Variants in INHBC observed in about 807,000 individuals in gnomAD.
INHBC encodes the protein inhibin subunit beta C.
A neutral mutation model predicts 12.4 loss-of-function variants in INHBC; 10 were observed. That is an observed-to-expected ratio of 0.81 (90% CI 0.50 to 1.37). INHBC has a LOEUF of 1.37. Among genes scored for constraint, INHBC ranks in the 40% most tolerant of loss-of-function variants. INHBC has a pLI of 0.00. For synonymous variants in INHBC, 147 were observed against 171.6 expected (o/e 0.86, Z 1.12); for missense variants, 382 against 439.4 (o/e 0.87, Z 1.17).
chr12:57,448,894 G>T (rs535903708), intron 1 of INHBC, among the ~76,000 whole-genome samples: 55 of 152,348 alleles, frequency 3.6e-4, no homozygotes, highest in African/African-American at 1.3e-3. Flanking sequence ...TGGTTCTGGT[G>T]GCTGGGAAGT....
intron 1 of INHBC, 40 bp from the exon 2 acceptor site, chr12:57,449,237 G>C: frequency 6.4e-7 from 1 of 1,572,392 alleles, no homozygotes; most frequent in Non-Finnish European, 8.6e-7. Context: ...AGAACTGACA[G>C]TCAGAAGGCC....
At chr12:57,442,991 CAA>C (rs1279356405) in intron 1 of INHBC, among the ~76,000 whole-genome samples, 27 of 62,338 alleles carry the variant, frequency 4.3e-4, no homozygotes, top group Admixed American at 3.5e-4. Flanking sequence ...GACTCCGTCT[CAA>C]AAAAAAAAAA....
chr12:57,435,333 T>C (rs1049908996), intron 1 of INHBC, 134 bp downstream of exon 1: 5 of 847,752 alleles, frequency 5.9e-6, no homozygotes, highest in African/African-American at 3.4e-5. Flanking sequence ...ATAATCTCCT[T>C]ACCCAGGTGT....
At chr12:57,439,286 C>T (rs1353265025) in intron 1 of INHBC, among the ~76,000 whole-genome samples, 2 of 152,192 alleles carry the variant, frequency 1.3e-5, no homozygotes, top group Non-Finnish European at 2.9e-5. Flanking sequence ...AGTCACTGAT[C>T]CATAAAACTT....
At chr12:57,436,803 G>A (rs1870351717) in intron 1 of INHBC, among the ~76,000 whole-genome samples, 1 of 151,668 alleles carries the variant, frequency 6.6e-6, no homozygotes, top group African/African-American at 2.4e-5. Flanking sequence ...AGTAGCTGGG[G>A]CTACAGGCGC....
At position 57,451,922 on chromosome 12, in the gene INHBC, G is replaced by T. The variant is rs1260889159; in HGVS notation, c.*1900G>T. The stretch of plus-strand genomic sequence containing the variant: ...GCAAAGTGAGTCATTCACCTGGGGG[G>T]GCTAAATTTTAAGGGGGTGGTGAAC... On this transcript the variant is annotated 3_prime_UTR_variant, in exon 2 of 2. Coordinates refer to ENST00000309668, the MANE Select transcript of INHBC (RefSeq NM_005538.4). 1.5e-4 allele frequency: 68 copies of T among 439,714 alleles called. No individual in the cohort carries two copies. Among genetic ancestry groups the T allele is most frequent in the Non-Finnish European group, 1.4e-5 (3 of 221,566 alleles). The allele number at this position is 439,714 out of a possible 1,614,324, so 27.2% of individuals were successfully genotyped here. A position where few individuals can be genotyped will look rare whatever the true frequency, so the allele number is the denominator to read the frequency against.
Position 57,450,253 on chromosome 12 carries a change from C to T in INHBC, c.*231C>T, listed in dbSNP as rs1337099847. 4.8e-6 allele frequency: 2 copies of T among 417,664 alleles called. No individual in the cohort carries two copies. Among genetic ancestry groups the T allele is most frequent in the Non-Finnish European group, 8.4e-6 (2 of 238,988 alleles). The allele number at this position is 417,664 out of a possible 1,614,324, so 25.9% of individuals were successfully genotyped here. ...CTCTTTCCTAGGGCATAGTCCATCC[C>T]GCTAGTCCATCCCGCTAGCCCCACT... is the stretch of plus-strand genomic sequence containing the variant. On this transcript the variant is annotated 3_prime_UTR_variant, in exon 2 of 2. Coordinates refer to ENST00000309668, the MANE Select transcript of INHBC (RefSeq NM_005538.4).
Position 57,435,061 on chromosome 12 carries a change from C to A in INHBC, c.175C>A (p.Gln59Lys), listed in dbSNP as rs1387467722. Residue 59 changes from glutamine to lysine, a missense_variant, in exon 1 of 2, where the codon CAG becomes AAG. Physicochemically the swap from Gln to Lys is moderately conservative, Grantham distance 53. Coordinates refer to ENST00000309668, the MANE Select transcript of INHBC (RefSeq NM_005538.4). The stretch of plus-strand genomic sequence containing the variant: ...CATCTTGGACAAGCTGCACCTCACC[C>A]AGCGCCCAACACTGAACCGCCCTGT... ...RSILDKLHLT[Q>K]RPTLNRPVSR... 6.2e-7 allele frequency: 1 copy of A among 1,614,080 alleles called. No individual in the cohort carries two copies. The highest frequency in any genetic ancestry group is 1.7e-5 in the Admixed American group (1 of 60,008).
chr12:57,442,194 A>G (rs761420003), intron 1 of INHBC, among the ~76,000 whole-genome samples: 2 of 152,224 alleles, frequency 1.3e-5, no homozygotes, highest in Non-Finnish European at 2.9e-5. Flanking sequence ...GCTGGCTTCC[A>G]AGAGTGGAAT....
In INHBC at chr12:57,445,582, T is replaced by C. The variant is rs550708365; in HGVS notation, c.314-3695T>C. ...AACAGGTTTGGACTGGGGGGATACATTTAGACTTCCTTGTACAGGATTGAG... is the reference window on the plus strand; with the variant it reads ...AACAGGTTTGGACTGGGGGGATACACTTAGACTTCCTTGTACAGGATTGAG... On this transcript the variant is annotated intron_variant, in intron 1 of 1. Transcript: ENST00000309668. Among the ~76,000 whole-genome samples, 16 of 152,178 alleles carry C rather than the reference T, an allele frequency of 1.1e-4. No individual in the cohort carries two copies. In the East Asian group the frequency reaches 2.7e-3, roughly 26 times the overall value.
In INHBC at chr12:57,434,847, G is replaced by A; in HGVS notation, c.-40G>A. On this transcript the variant is annotated 5_prime_UTR_variant, in exon 1 of 2. Coordinates refer to ENST00000309668, the MANE Select transcript of INHBC (RefSeq NM_005538.4). ...GAGACCACAGCTGTTGAGACCCTGAGCCCTGAGTCTGTATTGCTCAAGAAG... is the reference window on the plus strand; with the variant it reads ...GAGACCACAGCTGTTGAGACCCTGAACCCTGAGTCTGTATTGCTCAAGAAG... The A allele has an allele frequency of 1.3e-6, 2 of 1,561,120 alleles. No individual in the cohort carries two copies. Among genetic ancestry groups the A allele is most frequent in the Non-Finnish European group, 8.7e-7 (1 of 1,147,846 alleles).
intron 1 of INHBC, among the ~76,000 whole-genome samples, chr12:57,447,895 ATATATATATATATATATATATATAT>A (rs1870621545): frequency 1.4e-5 from 1 of 71,784 alleles, no homozygotes. Flanking sequence ...AAAAAAAAAT[ATATATATATATATATATATATATAT>A]ATAAAATATA....
rs1870297556 is a variant in INHBC, at chr12:57,434,926, C to G, written c.40C>G (p.Pro14Ala). 4 of 1,614,000 alleles carry G rather than the reference C, an allele frequency of 2.5e-6. No homozygotes were observed. The highest frequency in any genetic ancestry group is 3.4e-6 in the Non-Finnish European group (4 of 1,179,868). ...SLLLAFLLLAPTTVATPRAGG... is the reference protein window; with the variant it reads ...SLLLAFLLLAATTVATPRAGG... ...GCTTCTGGCCTTTCTCCTCCTGGCTCCAACCACAGTGGCCACTCCCAGAGC... is the reference window on the plus strand; with the variant it reads ...GCTTCTGGCCTTTCTCCTCCTGGCTGCAACCACAGTGGCCACTCCCAGAGC... Residue 14 changes from proline to alanine, a missense_variant, in exon 1 of 2, where the codon CCA becomes GCA. Coordinates refer to ENST00000309668, the MANE Select transcript of INHBC (RefSeq NM_005538.4).
At chr12:57,446,439 G>A (rs1208424479) in intron 1 of INHBC, among the ~76,000 whole-genome samples, 2 of 150,846 alleles carry the variant, frequency 1.3e-5, no homozygotes, top group Admixed American at 6.7e-5. Flanking sequence ...AGATAGTGAA[G>A]AGAAGGGAGC....
chr12:57,436,473 C>CTTTT (rs71084754), intron 1 of INHBC, among the ~76,000 whole-genome samples: 6 of 104,752 alleles, frequency 5.7e-5, no homozygotes, highest in Non-Finnish European at 7.9e-5. Flanking sequence ...TTTTCTTTTT[C>CTTTT]TTTTTTTTTT....
At chr12:57,443,431 T>C (rs949980692) in intron 1 of INHBC, among the ~76,000 whole-genome samples, 5 of 151,602 alleles carry the variant, frequency 3.3e-5, no homozygotes, top group African/African-American at 7.3e-5. Context: ...ATTACAGGCA[T>C]GCGCCACCAC....
chr12:57,434,827 C>T lies in INHBC; in HGVS notation c.-60C>T. On this transcript the variant is annotated 5_prime_UTR_variant, in exon 1 of 2. Transcript: ENST00000309668. ...CTGGCAGCCAGGACAGAGTTGAGAC[C>T]ACAGCTGTTGAGACCCTGAGCCCTG... 1 of 1,496,916 alleles carries T rather than the reference C, an allele frequency of 6.7e-7. No individual in the cohort carries two copies. Among genetic ancestry groups the T allele is most frequent in the Non-Finnish European group, 9.1e-7 (1 of 1,101,030 alleles). The allele number at this position is 1,496,916 out of a possible 1,614,324, so 92.7% of individuals were successfully genotyped here. A position where few individuals can be genotyped will look rare whatever the true frequency, so the allele number is the denominator to read the frequency against.
At chr12:57,448,248 A>C (rs1299715705) in intron 1 of INHBC, among the ~76,000 whole-genome samples, 1 of 152,038 alleles carries the variant, frequency 6.6e-6, no homozygotes, top group Non-Finnish European at 1.5e-5. Context: ...TGGTCTGGGC[A>C]TACAGATTTG....
Position 57,450,173 on chromosome 12 carries a change from C to A in INHBC, c.*151C>A. ...CTTATGGAAATTACCCCACCTTTGA[C>A]TTGAAGAAACCTTCATCTAAAGCAA... On this transcript the variant is annotated 3_prime_UTR_variant, in exon 2 of 2. Coordinates refer to ENST00000309668, the MANE Select transcript of INHBC (RefSeq NM_005538.4). 1 of 787,060 alleles carries A rather than the reference C, an allele frequency of 1.3e-6. No homozygotes were observed. The highest frequency in any genetic ancestry group is 1.8e-6 in the Non-Finnish European group (1 of 542,786). The allele number at this position is 787,060 out of a possible 1,614,324, so 48.8% of individuals were successfully genotyped here. A position where few individuals can be genotyped will look rare whatever the true frequency, so the allele number is the denominator to read the frequency against.
Sources: gnomAD v4.1 joint callset for allele counts (sites outside exome capture counted in the v4.1 genomes callset) on GRCh38, gnomAD v4.1.1 for gene constraint, MANE v1.5 for transcripts, NCBI Gene and HGNC (gene_info 2026-07-23, HGNC 2026-07-21) for gene names.